The following NOA1 variants were observed in gnomAD, a reference collection of about 807,000 sequenced individuals.
NOA1 encodes nitric oxide-associated protein 1.
A neutral mutation model predicts 58.4 loss-of-function variants in NOA1; 35 were observed. That is an observed-to-expected ratio of 0.60 (90% CI 0.46 to 0.79). The LOEUF (loss-of-function observed/expected upper bound fraction) is 0.79, where lower values mean the gene tolerates loss of function less well. Among genes scored for constraint, NOA1 ranks in the 30% least tolerant of loss-of-function variants. The pLI is 0.00. For missense variants in NOA1, 895 were observed against 894.6 expected (o/e 1.00, Z -0.01); for synonymous variants, 397 against 373.4 (o/e 1.06, Z -0.73).
At chr4:56,964,170 C>T (rs1220549459) in intron 6 of NOA1, among the ~76,000 whole-genome samples, 5 of 151,652 alleles carry the variant, frequency 3.3e-5, no homozygotes, top group African/African-American at 9.7e-5. Flanking sequence ...TGGGTTCAAG[C>T]GATTCTCCTG....
rs755530549 is a variant in NOA1 at position 56,977,332 on chromosome 4, G to A, written c.254C>T (p.Pro85Leu). 1.2e-6 allele frequency: 2 copies of A among 1,614,194 alleles called. No individual in the cohort carries two copies. Among genetic ancestry groups the A allele is most frequent in the South Asian group, 1.1e-5 (1 of 91,092 alleles). Reference sequence around the variant, plus strand: ...CTCCTGCAGCTGCTTTTCGCGGGTGGGTTGCGGCTCCGGATCCAGGATGTA... The same window carrying A: ...CTCCTGCAGCTGCTTTTCGCGGGTGAGTTGCGGCTCCGGATCCAGGATGTA... ...PEYILDPEPQ[P>L]TREKQLQELQ... is the part of the protein sequence containing the mutation. Residue 85 changes from proline (P) to leucine (L), a missense_variant, in exon 1 of 7, where the codon CCC (proline) becomes CTC (leucine). By Grantham distance (98) the Pro-to-Leu change is moderately conservative. Transcript: ENST00000264230.
chr4:56,971,115 C>A (rs1357913961), intron 3 of NOA1, among the ~76,000 whole-genome samples: 1 of 152,012 alleles, frequency 6.6e-6, no homozygotes, highest in African/African-American at 2.4e-5. Context: ...GGGTTTGAGA[C>A]CAGCCTGGCC....
rs764574196 is a variant in NOA1 at position 56,977,508 on chromosome 4, G to C, written c.78C>G (p.Gly26=). Residue 26 remains glycine, a synonymous_variant, in exon 1 of 7, where the codon GGC becomes GGG. Coordinates refer to ENST00000264230, the MANE Select transcript of NOA1 (RefSeq NM_032313.4). ...TCCTCTCCAGGAGCGGCTCCCGGAG[G>C]CCATGGCGCGCTGCCGTGGGAGCGG... ...RGSAPTAARH[G]LREPLLERRC... 6 of 1,613,340 alleles carry C rather than the reference G, an allele frequency of 3.7e-6. No homozygotes were observed. Among genetic ancestry groups the C allele is most frequent in the Non-Finnish European group, 5.1e-6 (6 of 1,179,904 alleles).
intron 6 of NOA1, among the ~76,000 whole-genome samples, chr4:56,964,193 G>A (rs980220050): frequency 1.3e-5 from 2 of 151,660 alleles, no homozygotes; most frequent in African/African-American, 2.4e-5. Flanking sequence ...TCAGCCTCCC[G>A]AGTAGCTGGA....
intron 1 of NOA1, among the ~76,000 whole-genome samples, chr4:56,975,748 C>A (rs189937446): frequency 2.0e-5 from 3 of 152,118 alleles, no homozygotes; most frequent in Non-Finnish European, 4.4e-5. Flanking sequence ...TAGTGGCGTG[C>A]GCCTGTAATC....
At chr4:56,963,688 A>G in intron 6 of NOA1, 27 bp from the exon 7 acceptor site, 1 of 1,568,138 alleles carries the variant, frequency 6.4e-7, no homozygotes, top group Non-Finnish European at 8.8e-7. Flanking sequence ...CACAACACAA[A>G]AGGCTGTTAG....
chr4:56,966,768 G>A (rs1300933964), intron 4 of NOA1, 32 bp from the exon 5 acceptor site: 1 of 1,374,446 alleles, frequency 7.3e-7, no homozygotes, highest in East Asian at 2.3e-5. Context: ...CTGACCTGGT[G>A]AAAAACTTGG....
chr4:56,966,749 A>AGAT lies in NOA1; in HGVS notation c.1648-14_1648-13insATC, dbSNP rs774652389. 1.3e-5 allele frequency: 20 copies of AGAT among 1,549,930 alleles called. No individual in the cohort carries two copies. Among genetic ancestry groups the AGAT allele is most frequent in the Non-Finnish European group, 1.8e-5 (20 of 1,122,302 alleles). On this transcript the variant is annotated splice_polypyrimidine_tract_variant and intron_variant, in intron 4 of 6. Coordinates refer to ENST00000264230, the MANE Select transcript of NOA1 (RefSeq NM_032313.4). ...CTGACTGATTTCCCTTAAGAAAGGA[A>AGAT]GAAGTTATCTGACCTGGTGAAAAAC...
At chr4:56,974,090 G>GACCACCAA in intron 1 of NOA1, 68 bp from the exon 2 acceptor site, 1 of 812,194 alleles carries the variant, frequency 1.2e-6, no homozygotes, top group Non-Finnish European at 1.7e-6. Flanking sequence ...ACATTTTTGA[G>GACCACCAA]GATCTACACT....
At chr4:56,968,709 C>A (rs936438657) in intron 3 of NOA1, among the ~76,000 whole-genome samples, 194 bp from the exon 4 acceptor site, 2 of 152,112 alleles carry the variant, frequency 1.3e-5, no homozygotes, top group African/African-American at 4.8e-5. Flanking sequence ...ATGGCTCTAC[C>A]CTTGTTTTAC....
rs1291412530 is a variant in NOA1, at chr4:56,964,472, C to G, written c.1819G>C (p.Asp607His). Residue 607 changes from aspartate to histidine, a missense_variant, in exon 6 of 7, where the codon GAC becomes CAC. Asp to His is a moderately conservative substitution (Grantham distance 81, BLOSUM62 -1). Coordinates refer to ENST00000264230, the MANE Select transcript of NOA1 (RefSeq NM_032313.4). ...MAGFPPLVAE[D>H]IMLKEGLGAS... ...CCCAGTCCTTCTTTTAACATAATGT[C>G]TTCAGCAACAAGAGGAGGAAATCCT... 2 of 1,614,032 alleles carry G rather than the reference C, an allele frequency of 1.2e-6. No homozygotes were observed. The highest frequency in any genetic ancestry group is 2.7e-5 in the African/African-American group (2 of 74,924).
rs1721973913 is a variant in NOA1, at chr4:56,977,458, T to C, written c.128A>G (p.Gln43Arg). The C allele has an allele frequency of 1.2e-6, 2 of 1,613,914 alleles. No individual in the cohort carries two copies. Among genetic ancestry groups the C allele is most frequent in the African/African-American group, 2.7e-5 (2 of 74,920 alleles). ...CTCGCGTCCCAGACTCGATGAGTGC[T>C]GGAAGGAGGAGGCGGCAGCGCACCT... ...ERRCAAASSF[Q>R]HSSSLGRELP... Residue 43 changes from glutamine (Q) to arginine (R), a missense_variant, in exon 1 of 7, where the codon CAG becomes CGG. By Grantham distance (43) the Gln-to-Arg change is conservative (BLOSUM62 1). Coordinates refer to ENST00000264230, the MANE Select transcript of NOA1 (RefSeq NM_032313.4).
rs752593556 is a variant in NOA1, at chr4:56,963,732, G to C, written c.1886-71C>G. 1.1e-5 allele frequency: 12 copies of C among 1,083,676 alleles called. No homozygotes were observed. The African/African-American group carries it at 1.7e-4, about 16-fold the overall frequency. 67.1% of individuals were successfully genotyped at this position (1,083,676 alleles called of 1,614,324 possible). On this transcript the variant is annotated intron_variant, in intron 6 of 6. Transcript: ENST00000264230. Reference sequence around the variant, plus strand: ...TTATTAAAAATACCAAACCAAAGCTGAAAATGGACTATCAGAGAACGCTGT... The same window carrying C: ...TTATTAAAAATACCAAACCAAAGCTCAAAATGGACTATCAGAGAACGCTGT...
At position 56,963,627 on chromosome 4, in the gene NOA1, T is replaced by C. The variant is rs1721648402; in HGVS notation, c.1920A>G (p.Arg640=). 1 of 1,613,854 alleles carries C rather than the reference T, an allele frequency of 6.2e-7. No individual in the cohort carries two copies. The highest frequency in any genetic ancestry group is 1.3e-5 in the African/African-American group (1 of 74,828). ...WVSVTPNFKD[R]LHLRGYTPEG... The stretch of plus-strand genomic sequence containing the variant: ...CAGGTGTATAGCCTCGGAGATGCAG[T>C]CTGTCCTTAAAATTAGGTGTTACTG... The change falls in exon 7 of 7, where the codon AGA becomes AGG. Residue 640 remains arginine, a synonymous_variant. Coordinates refer to ENST00000264230, the MANE Select transcript of NOA1 (RefSeq NM_032313.4).
Position 56,971,217 on chromosome 4 carries a change from G to A in NOA1, c.1515+1931C>T, listed in dbSNP as rs558123870. On this transcript the variant is annotated intron_variant, in intron 3 of 6. Transcript: ENST00000264230. ...AATACCAGCTACTCGAGAGGCTGAG[G>A]CAGGACAATCGCTTGAACCCAGGCG... Among the ~76,000 whole-genome samples the A allele has an allele frequency of 2.2e-4, 33 of 150,080 alleles. No individual in the cohort carries two copies. In the South Asian group the frequency reaches 4.4e-3, roughly 20 times the overall value.
chr4:56,963,397 A>G lies in NOA1; in HGVS notation c.*53T>C, dbSNP rs951711611. On this transcript the variant is annotated 3_prime_UTR_variant, in exon 7 of 7. Transcript: ENST00000264230. ...GCGTTATATGTTTAATACAAATTCA[A>G]TGTATTTTGTTGTGTTCAATACAGT... The G allele has an allele frequency of 3.5e-5, 47 of 1,332,208 alleles. No individual in the cohort carries two copies. In the African/African-American group the frequency reaches 3.8e-4, roughly 11 times the overall value. 82.5% of individuals were successfully genotyped at this position (1,332,208 alleles called of 1,614,324 possible).
At position 56,976,518 on chromosome 4, in the gene NOA1, G is replaced by A. The variant is rs1721925553; in HGVS notation, c.1068C>T (p.Asn356=). The A allele has an allele frequency of 6.2e-7, 1 of 1,614,238 alleles. No homozygotes were observed. Among genetic ancestry groups the A allele is most frequent in the African/African-American group, 1.3e-5 (1 of 75,064 alleles). ...TGCAGTAATCGGACTCCAGGAGCGT[G>A]TTAAAGAGAGTGGATTTGCCGGCGT... ...ATNAGKSTLF[N]TLLESDYCTA... Residue 356 remains asparagine, a synonymous_variant, in exon 1 of 7, where the codon AAC becomes AAT. Transcript: ENST00000264230.
Position 56,977,503 on chromosome 4 carries a change from C to A in NOA1, c.83G>T (p.Arg28Leu). ...SAPTAARHGL[R>L]EPLLERRCAA... ...GCACCTCCTCTCCAGGAGCGGCTCCCGGAGGCCATGGCGCGCTGCCGTGGG... is the reference window on the plus strand; with the variant it reads ...GCACCTCCTCTCCAGGAGCGGCTCCAGGAGGCCATGGCGCGCTGCCGTGGG... Residue 28 changes from arginine to leucine, a missense_variant, in exon 1 of 7, where the codon CGG becomes CTG. Arg to Leu is a moderately radical substitution (Grantham distance 102). Transcript: ENST00000264230. 1 of 1,613,588 alleles carries A rather than the reference C, an allele frequency of 6.2e-7. No individual in the cohort carries two copies. Among genetic ancestry groups the A allele is most frequent in the Non-Finnish European group, 8.5e-7 (1 of 1,179,958 alleles).
chr4:56,971,056 C>T (rs1012573014), intron 3 of NOA1, among the ~76,000 whole-genome samples: 6 of 152,088 alleles, frequency 3.9e-5, no homozygotes, highest in Admixed American at 2.6e-4. Context: ...CTCCCATCCA[C>T]AATCCTAGCA....
Sources: gnomAD v4.1 joint callset for allele counts (sites outside exome capture counted in the v4.1 genomes callset) on GRCh38, gnomAD v4.1.1 for gene constraint, MANE v1.5 for transcripts, NCBI Gene and HGNC (gene_info 2026-07-23, HGNC 2026-07-21) for gene names.